PRKG1: variants seen among roughly 807,000 people sequenced by gnomAD.
PRKG1 encodes the protein protein kinase cGMP-dependent 1.
In PRKG1, 35 loss-of-function variants were observed where a neutral mutation model predicts 88.1. That is an observed-to-expected ratio of 0.40 (90% CI 0.30 to 0.53). The LOEUF (loss-of-function observed/expected upper bound fraction) is 0.53. Among genes scored for constraint, PRKG1 ranks in the 20% least tolerant of loss-of-function variants. The pLI is 0.59. For synonymous variants in PRKG1, 303 were observed against 292.5 expected, an observed-to-expected ratio of 1.04 and a Z score of -0.37; for missense variants, 540 against 839.8, an observed-to-expected ratio of 0.64 and a Z score of 4.41.
intron 3 of PRKG1, among the ~76,000 whole-genome samples, chr10:51,685,660 T>G (rs1840969382): frequency 6.6e-6 from 1 of 152,200 alleles, no homozygotes; most frequent in Admixed American, 6.5e-5. Flanking sequence ...TTATATTTCA[T>G]TTTTTATTAA....
chr10:52,109,279 A>G (rs1425352357), intron 7 of PRKG1, among the ~76,000 whole-genome samples: 1 of 152,228 alleles, frequency 6.6e-6, no homozygotes, highest in Non-Finnish European at 1.5e-5. Context: ...AAATTTGGAT[A>G]TACTTTCTTC....
At chr10:51,504,117 T>C (rs1238204323) in intron 3 of PRKG1, among the ~76,000 whole-genome samples, 1 of 152,140 alleles carries the variant, frequency 6.6e-6, no homozygotes, top group African/African-American at 2.4e-5. Flanking sequence ...GCTCTAATTA[T>C]TTCAGGGCCT....
At chr10:51,620,357 GCTCT>G (rs1026123362) in intron 3 of PRKG1, among the ~76,000 whole-genome samples, 1 of 151,556 alleles carries the variant, frequency 6.6e-6, no homozygotes, top group Non-Finnish European at 1.5e-5. Context: ...TGGTCATTTG[GCTCT>G]CTATTCACCC....
At chr10:51,748,756 T>C (rs772726034) in intron 3 of PRKG1, among the ~76,000 whole-genome samples, 7 of 152,356 alleles carry the variant, frequency 4.6e-5, no homozygotes, top group Middle Eastern at 3.4e-3. Flanking sequence ...ATATTTGAGG[T>C]ATCTTTATGC....
rs1358641112 is a variant in PRKG1, at chr10:52,171,785, A to ATT, written c.1076+9822_1076+9823insTT. ...AATAGAAGTATTTTTCTTTTATCAA[A>ATT]ATTTTTTTTTTTTTTTTTTTTTTTT... is the stretch of plus-strand genomic sequence containing the variant. On this transcript the variant is annotated intron_variant, in intron 9 of 17. Coordinates refer to ENST00000373980, the MANE Select transcript of PRKG1 (RefSeq NM_006258.4). 2.9e-4 allele frequency among the ~76,000 whole-genome samples: 35 copies of ATT among 122,638 alleles called. 2 individuals are homozygous for ATT. The highest frequency in any genetic ancestry group is 1.0e-3 in the African/African-American group (28 of 27,486). The allele number at this position is 122,638 out of a possible 152,430, so 80.5% of individuals were successfully genotyped here.
intron 7 of PRKG1, among the ~76,000 whole-genome samples, chr10:52,070,040 G>T (rs1846457938): frequency 6.6e-6 from 1 of 151,990 alleles, no homozygotes; most frequent in Non-Finnish European, 1.5e-5. Context: ...TATTAAGTGT[G>T]TTAAACTCCA....
At chr10:51,019,770 T>C (rs911676827) in intron 1 of PRKG1, among the ~76,000 whole-genome samples, 2 of 151,850 alleles carry the variant, frequency 1.3e-5, no homozygotes, top group Non-Finnish European at 2.9e-5. Context: ...ATCCAGAATA[T>C]GTAGAGAACT....
chr10:51,668,478 G>A (rs1840477155), intron 3 of PRKG1, among the ~76,000 whole-genome samples: 1 of 152,168 alleles, frequency 6.6e-6, no homozygotes, highest in Non-Finnish European at 1.5e-5. Context: ...TTCTATCATA[G>A]CTTACTGCAG....
At chr10:51,743,737 A>AATATATATATATATATATATATATAT (rs369411662) in intron 3 of PRKG1, among the ~76,000 whole-genome samples, 1 of 40,386 alleles carries the variant, frequency 2.5e-5, no homozygotes, top group African/African-American at 8.6e-5. Flanking sequence ...ATATAAACTA[A>AATATATATATATATATATATATATAT]ATATATATAT....
intron 2 of PRKG1, among the ~76,000 whole-genome samples, chr10:51,186,512 G>T (rs1307267328): frequency 1.3e-5 from 2 of 151,778 alleles, no homozygotes; most frequent in African/African-American, 4.8e-5. Context: ...CATTTCTGAG[G>T]TCTTGGATTT....
intron 3 of PRKG1, among the ~76,000 whole-genome samples, chr10:51,736,734 C>T (rs181030984): frequency 6.6e-6 from 1 of 151,782 alleles, no homozygotes; most frequent in East Asian, 1.9e-4. Flanking sequence ...TTCAAGCGGT[C>T]CTCCTGTCTC....
intron 7 of PRKG1, among the ~76,000 whole-genome samples, chr10:52,076,969 C>T (rs1016907476): frequency 4.0e-5 from 6 of 149,234 alleles, no homozygotes; most frequent in Non-Finnish European, 5.9e-5. Flanking sequence ...TAAAATAGTA[C>T]AACAACTTTG....
At chr10:51,443,147 G>A (rs1358388093) in intron 2 of PRKG1, among the ~76,000 whole-genome samples, 3 of 152,016 alleles carry the variant, frequency 2.0e-5, no homozygotes, top group Non-Finnish European at 4.4e-5. Context: ...TAGTTTTAAA[G>A]GAATACCCTA....
rs74135387 is a variant in PRKG1, at chr10:52,277,118, A to T, written c.1404-3671A>T. Among the ~76,000 whole-genome samples, 1,314 of 152,314 alleles carry T rather than the reference A, an allele frequency of 8.6e-3. 19 individuals carry two copies. Among genetic ancestry groups the T allele is most frequent in the African/African-American group, 0.03 (1,252 of 41,580 alleles). On this transcript the variant is annotated intron_variant, in intron 12 of 17. Coordinates refer to ENST00000373980, the MANE Select transcript of PRKG1 (RefSeq NM_006258.4). ...AAACTGGAAACAAATAGAGTTGTCA[A>T]GAACTGAGGACCCTAAGATGTACAA... is the stretch of plus-strand genomic sequence containing the variant.
At chr10:52,048,057 G>A (rs1238019661) in intron 5 of PRKG1, among the ~76,000 whole-genome samples, 3 of 151,950 alleles carry the variant, frequency 2.0e-5, no homozygotes, top group Admixed American at 1.3e-4. Flanking sequence ...TATACTTATT[G>A]CAGCTATTTT....
intron 1 of PRKG1, among the ~76,000 whole-genome samples, chr10:51,118,002 G>A (rs768419554): frequency 5.9e-5 from 9 of 152,164 alleles, no homozygotes; most frequent in Non-Finnish European, 1.2e-4. Flanking sequence ...TCACTAGGGG[G>A]TTTTCACTAA....
intron 3 of PRKG1, among the ~76,000 whole-genome samples, chr10:51,724,114 G>A (rs766746744): frequency 1.3e-5 from 2 of 152,120 alleles, no homozygotes. Flanking sequence ...AGATCATAGA[G>A]GGGGTAAAAA....
At chr10:51,068,763 A>C (rs992411195) in intron 1 of PRKG1, among the ~76,000 whole-genome samples, 2 of 152,008 alleles carry the variant, frequency 1.3e-5, no homozygotes, top group African/African-American at 4.8e-5. Flanking sequence ...TGCACATTTA[A>C]TATACCAGAA....
Position 51,759,087 on chromosome 10 carries a change from A to C in PRKG1, c.593-45498A>C, listed in dbSNP as rs118045785. 1.5e-3 allele frequency among the ~76,000 whole-genome samples: 221 copies of C among 152,200 alleles called. 1 individual carries two copies. Among genetic ancestry groups the C allele is most frequent in the Non-Finnish European group, 2.4e-3 (164 of 68,000 alleles). ...TATATGTGCAACATTTTCTTTATCA[A>C]ATCTATCATTGATGAGCATTTGGGT... On this transcript the variant is annotated intron_variant, in intron 3 of 17. Transcript: ENST00000373980.
Sources: allele counts gnomAD v4.1 joint callset (sites outside exome capture counted in the v4.1 genomes callset), GRCh38; gene constraint gnomAD v4.1.1; transcripts MANE v1.5; gene names NCBI Gene and HGNC (gene_info 2026-07-23, HGNC 2026-07-21).